Variants in RORB observed in about 807,000 individuals in gnomAD.
RORB encodes RAR related orphan receptor B.
In RORB, 6 loss-of-function variants were observed where a neutral mutation model predicts 59.1. The observed-to-expected ratio is 0.10, with a 90% CI of 0.06 to 0.20. The LOEUF (loss-of-function observed/expected upper bound fraction) is 0.20, where lower values mean the gene tolerates loss of function less well. RORB is among the 10% of genes least tolerant of loss of function. The pLI is 1.00. For missense variants in RORB, 320 were observed against 560.5 expected (o/e 0.57, Z 4.33); for synonymous variants, 215 against 204.5 (o/e 1.05, Z -0.44).
At chr9:74,554,443 C>T (rs1185950029) in intron 1 of RORB, among the ~76,000 whole-genome samples, 2 of 152,034 alleles carry the variant, frequency 1.3e-5, no homozygotes, top group African/African-American at 4.8e-5. Context: ...TGGACAGTTG[C>T]AGGAGTTTGT....
intron 1 of RORB, among the ~76,000 whole-genome samples, chr9:74,551,927 G>A (rs1278895566): frequency 6.6e-6 from 1 of 152,138 alleles, no homozygotes; most frequent in Non-Finnish European, 1.5e-5. Flanking sequence ...TAGACTAGAT[G>A]GAGCATATTC....
intron 3 of RORB, among the ~76,000 whole-genome samples, chr9:74,639,058 G>T (rs1369049313): frequency 1.3e-5 from 2 of 152,180 alleles, no homozygotes; most frequent in Non-Finnish European, 2.9e-5. Flanking sequence ...TTTTGACATT[G>T]TTAGCTTGTG....
chr9:74,499,396 G>A (rs545892786), intron 1 of RORB, among the ~76,000 whole-genome samples: 3 of 152,268 alleles, frequency 2.0e-5, no homozygotes, highest in Non-Finnish European at 4.4e-5. Context: ...GGTGAGCCCC[G>A]AGCCTGGACT....
At chr9:74,509,785 A>G (rs1057484354) in intron 1 of RORB, among the ~76,000 whole-genome samples, 1 of 152,118 alleles carries the variant, frequency 6.6e-6, no homozygotes, top group African/African-American at 2.4e-5. Flanking sequence ...GTACAAGCAT[A>G]AGATGTTTTC....
At chr9:74,506,716 T>TA (rs1486735843) in intron 1 of RORB, among the ~76,000 whole-genome samples, 3 of 152,110 alleles carry the variant, frequency 2.0e-5, no homozygotes, top group Non-Finnish European at 2.9e-5. Context: ...CTCTTGGCCA[T>TA]AACCCTCTGC....
At chr9:74,685,408 CAG>C (rs1824623742) in intron 9 of RORB, 53 bp from the exon 10 acceptor site, 2 of 1,431,984 alleles carry the variant, frequency 1.4e-6, no homozygotes, top group Non-Finnish European at 9.5e-7. Context: ...GTTCCACAGA[CAG>C]AGCACTAATG....
chr9:74,503,358 A>G (rs1825827186), intron 1 of RORB, among the ~76,000 whole-genome samples: 1 of 152,082 alleles, frequency 6.6e-6, no homozygotes, highest in Admixed American at 6.5e-5. Flanking sequence ...ACTGATACGC[A>G]ATATGTATAT....
chr9:74,502,461 C>G (rs1325744121), intron 1 of RORB, among the ~76,000 whole-genome samples: 1 of 151,968 alleles, frequency 6.6e-6, no homozygotes, highest in Non-Finnish European at 1.5e-5. Context: ...TTTAGAAATA[C>G]AAGATGGCCT....
chr9:74,558,274 T>C (rs923054378), intron 1 of RORB, among the ~76,000 whole-genome samples: 1 of 152,132 alleles, frequency 6.6e-6, no homozygotes, highest in Non-Finnish European at 1.5e-5. Context: ...TTTGAAAGGA[T>C]ATTCAGTTGA....
At chr9:74,568,085 G>A (rs1053507241) in intron 1 of RORB, among the ~76,000 whole-genome samples, 5 of 152,034 alleles carry the variant, frequency 3.3e-5, no homozygotes, top group Non-Finnish European at 7.4e-5. Context: ...GTCAATATTC[G>A]AAACAGAGCT....
At chr9:74,498,342 G>A (rs1825749275) in intron 1 of RORB, 2 of 266,972 alleles carry the variant, frequency 7.5e-6, no homozygotes, top group Middle Eastern at 1.2e-3. Context: ...CTGGACAGGA[G>A]CAGTTTGGAA....
intron 4 of RORB, among the ~76,000 whole-genome samples, chr9:74,657,500 C>A (rs182887561): frequency 7.2e-5 from 11 of 152,302 alleles, no homozygotes; most frequent in Admixed American, 5.9e-4. Flanking sequence ...TCTGTGCCTT[C>A]ATAACATCAT....
chr9:74,517,797 C>G (rs1384401898), intron 1 of RORB, among the ~76,000 whole-genome samples: 2 of 151,962 alleles, frequency 1.3e-5, no homozygotes, highest in Non-Finnish European at 2.9e-5. Flanking sequence ...TTATAAGGTT[C>G]ACATTCCCTG....
At chr9:74,593,931 G>A (rs1022083679) in intron 1 of RORB, among the ~76,000 whole-genome samples, 27 of 152,138 alleles carry the variant, frequency 1.8e-4, no homozygotes, top group Admixed American at 1.6e-3. Context: ...AAAGGGAGCT[G>A]AGTCTTCACA....
chr9:74,639,722 C>A (rs1823763941), intron 3 of RORB, among the ~76,000 whole-genome samples: 1 of 152,178 alleles, frequency 6.6e-6, no homozygotes, highest in African/African-American at 2.4e-5. Context: ...CAACAAAGAG[C>A]TATTCTGAAC....
At chr9:74,514,711 T>C (rs1170413730) in intron 1 of RORB, among the ~76,000 whole-genome samples, 1 of 149,654 alleles carries the variant, frequency 6.7e-6, no homozygotes, top group Non-Finnish European at 1.5e-5. Flanking sequence ...AAATGAATGA[T>C]AGAGGAGAAT....
At chr9:74,600,629 T>C (rs1292034010) in intron 1 of RORB, among the ~76,000 whole-genome samples, 1 of 152,188 alleles carries the variant, frequency 6.6e-6, no homozygotes, top group Admixed American at 6.5e-5. Flanking sequence ...CTAGATTTGG[T>C]ATAGTTTTCT....
Position 74,679,058 on chromosome 9 carries a change from CA to C in RORB, c.1225-6394del, listed in dbSNP as rs201082469. Among the ~76,000 whole-genome samples, 576 of 137,282 alleles carry C rather than the reference CA, an allele frequency of 4.2e-3. 3 individuals carry two copies. The highest frequency in any genetic ancestry group is 0.014 in the African/African-American group (516 of 38,088). The allele number at this position is 137,282 out of a possible 152,430, so 90.1% of individuals were successfully genotyped here. A position where few individuals can be genotyped will look rare whatever the true frequency, so the allele number is the denominator to read the frequency against. ...AAAAAAAAAAACAAAAACAAACAAA[CA>C]AAAAAAAAAACAAAAAAACCAACCA... is the stretch of plus-strand genomic sequence containing the variant. On this transcript the variant is annotated intron_variant, in intron 9 of 9. Coordinates refer to ENST00000376896, the MANE Select transcript of RORB (RefSeq NM_006914.4).
chr9:74,528,418 G>A (rs916618946), intron 1 of RORB, among the ~76,000 whole-genome samples: 2 of 151,988 alleles, frequency 1.3e-5, no homozygotes, highest in East Asian at 1.9e-4. Flanking sequence ...ATCTCTCCTC[G>A]CACAGCCGTC....
Sources: gnomAD v4.1 joint callset for allele counts (sites outside exome capture counted in the v4.1 genomes callset) on GRCh38, gnomAD v4.1.1 for gene constraint, MANE v1.5 for transcripts, NCBI Gene and HGNC (gene_info 2026-07-23, HGNC 2026-07-21) for gene names.